GABRG3: variants seen among roughly 807,000 people sequenced by gnomAD.
The protein encoded by GABRG3 is gamma-aminobutyric acid type A receptor subunit gamma3, also known as gamma-aminobutyric acid receptor subunit gamma-3.
GABRG3 carries 25 observed loss-of-function variants against 48.8 expected under a neutral mutation model. The observed-to-expected ratio is 0.51, with a 90% CI of 0.37 to 0.72. The LOEUF (loss-of-function observed/expected upper bound fraction) is 0.72, where lower values mean the gene tolerates loss of function less well. Ranked by LOEUF, GABRG3 falls within the 30% of genes least tolerant of loss-of-function variation. The pLI is 0.00. For synonymous variants in GABRG3, 227 were observed against 217.6 expected (o/e 1.04, Z -0.38); for missense variants, 394 against 577.9 (o/e 0.68, Z 3.26).
intron 3 of GABRG3, among the ~76,000 whole-genome samples, chr15:27,198,103 A>G (rs1028540407): frequency 3.3e-5 from 5 of 152,150 alleles, no homozygotes; most frequent in African/African-American, 1.2e-4. Context: ...AGACTTCATG[A>G]CTAAAACACC....
At chr15:27,279,380 A>T (rs540767647) in intron 3 of GABRG3, among the ~76,000 whole-genome samples, 1 of 152,142 alleles carries the variant, frequency 6.6e-6, no homozygotes, top group South Asian at 2.1e-4. Context: ...TTCTTCTCAA[A>T]GTTTCATAGT....
intron 3 of GABRG3, among the ~76,000 whole-genome samples, chr15:27,059,410 G>A (rs1032101352): frequency 3.9e-5 from 6 of 152,128 alleles, no homozygotes; most frequent in Admixed American, 3.3e-4. Flanking sequence ...CTCCATCACC[G>A]TTCTGTTATT....
chr15:27,130,146 C>G (rs1172896212), intron 3 of GABRG3, among the ~76,000 whole-genome samples: 1 of 152,006 alleles, frequency 6.6e-6, no homozygotes, highest in Non-Finnish European at 1.5e-5. Context: ...TGACATGAAG[C>G]TTTTCCCCTT....
chr15:27,508,908 A>G (rs1443033843), intron 6 of GABRG3, among the ~76,000 whole-genome samples: 1 of 151,994 alleles, frequency 6.6e-6, no homozygotes, highest in African/African-American at 2.4e-5. Context: ...TTTAGTAGAG[A>G]TGGGGTTTCA....
chr15:27,407,949 T>C (rs368880996), intron 5 of GABRG3, among the ~76,000 whole-genome samples: 9 of 152,182 alleles, frequency 5.9e-5, no homozygotes, highest in African/African-American at 1.9e-4. Context: ...GTGAACCCTA[T>C]TGTGAACCAC....
intron 5 of GABRG3, among the ~76,000 whole-genome samples, chr15:27,403,268 A>G (rs1006040899): frequency 6.6e-6 from 1 of 152,176 alleles, no homozygotes; most frequent in Non-Finnish European, 1.5e-5. Context: ...GTACCTACCA[A>G]TCAGGCAATG....
At chr15:27,130,589 A>AT (rs1307773984) in intron 3 of GABRG3, among the ~76,000 whole-genome samples, 1 of 152,080 alleles carries the variant, frequency 6.6e-6, no homozygotes, top group Non-Finnish European at 1.5e-5. Context: ...TATCATTGGA[A>AT]TTTTAATAGA....
intron 3 of GABRG3, among the ~76,000 whole-genome samples, chr15:27,272,975 C>T (rs981390739): frequency 2.0e-5 from 3 of 152,176 alleles, no homozygotes. Context: ...CATCCCTGCA[C>T]TTGTGCAAAA....
chr15:27,366,174 G>C (rs144700473), intron 5 of GABRG3: 1 of 152,072 alleles, frequency 6.6e-6, no homozygotes, highest in East Asian at 1.9e-4. Context: ...ATGAGACACC[G>C]ATTGCTCTTC....
intron 3 of GABRG3, among the ~76,000 whole-genome samples, chr15:27,075,186 G>A (rs568734638): frequency 1.3e-5 from 2 of 152,280 alleles, no homozygotes; most frequent in South Asian, 2.1e-4. Flanking sequence ...TTAAGATGAG[G>A]TGAAAATTAT....
At chr15:27,141,663 TAACA>T (rs1898105480) in intron 3 of GABRG3, among the ~76,000 whole-genome samples, 1 of 152,212 alleles carries the variant, frequency 6.6e-6, no homozygotes, top group Non-Finnish European at 1.5e-5. Context: ...TAGTGGCAGT[TAACA>T]AACTTCTTAT....
intron 3 of GABRG3, among the ~76,000 whole-genome samples, chr15:27,257,033 T>A (rs1021300964): frequency 6.6e-6 from 1 of 152,188 alleles, no homozygotes; most frequent in African/African-American, 2.4e-5. Context: ...TACATTCCCA[T>A]CAACAATGCA....
intron 5 of GABRG3, among the ~76,000 whole-genome samples, chr15:27,379,009 T>C (rs1053838880): frequency 6.6e-6 from 1 of 152,178 alleles, no homozygotes; most frequent in Non-Finnish European, 1.5e-5. Flanking sequence ...TGTGTATGTA[T>C]GTGGATATGT....
intron 2 of GABRG3, among the ~76,000 whole-genome samples, chr15:27,018,181 A>G (rs1895813759): frequency 6.6e-6 from 1 of 152,226 alleles, no homozygotes; most frequent in Non-Finnish European, 1.5e-5. Flanking sequence ...AATTTAAGTG[A>G]CTTTCTCAAG....
rs563916086 is a variant in GABRG3, at chr15:27,463,918, G to A, written c.575-16732G>A. Reference sequence around the variant, plus strand: ...TCAGACAGGACCAGCAAACCCACGTGCCCCTCCCATAAGGCATCATTGTTC... The same window carrying A: ...TCAGACAGGACCAGCAAACCCACGTACCCCTCCCATAAGGCATCATTGTTC... On this transcript the variant is annotated intron_variant, in intron 5 of 9. Transcript: ENST00000615808. Among the ~76,000 whole-genome samples the A allele has an allele frequency of 4.6e-5, 7 of 152,176 alleles. No individual in the cohort carries two copies. In the East Asian group the frequency reaches 1.2e-3, roughly 25 times the overall value.
In GABRG3 at chr15:27,457,072, G is replaced by A. The variant is rs1195938112; in HGVS notation, c.575-23578G>A. Among the ~76,000 whole-genome samples the A allele has an allele frequency of 6.6e-6, 1 of 152,192 alleles. No homozygotes were observed. The highest frequency in any genetic ancestry group is 1.5e-5 in the Non-Finnish European group (1 of 68,052). On this transcript the variant is annotated intron_variant, in intron 5 of 9. Transcript: ENST00000615808. The surrounding 1 kb of genome is among the most constrained non-coding windows in gnomAD (Gnocchi z 4.4). Reference sequence around the variant, plus strand: ...GGAAGTAGAAGGAGCTGGAGGAGGGGAGCTGCAGGCCTCACCTTCTCCAGC... The same window carrying A: ...GGAAGTAGAAGGAGCTGGAGGAGGGAAGCTGCAGGCCTCACCTTCTCCAGC...
intron 5 of GABRG3, among the ~76,000 whole-genome samples, chr15:27,440,484 T>G (rs778487242): frequency 2.6e-5 from 4 of 152,228 alleles, no homozygotes; most frequent in Non-Finnish European, 4.4e-5. Flanking sequence ...GGCATTGGAA[T>G]GTACCTGATG....
At chr15:27,222,527 C>G (rs1234481971) in intron 3 of GABRG3, among the ~76,000 whole-genome samples, 1 of 152,186 alleles carries the variant, frequency 6.6e-6, no homozygotes, top group Non-Finnish European at 1.5e-5. Context: ...ATTCCAAGTA[C>G]TTTGATTCGG....
At chr15:27,085,160 C>T (rs1287975104) in intron 3 of GABRG3, among the ~76,000 whole-genome samples, 1 of 152,184 alleles carries the variant, frequency 6.6e-6, no homozygotes, top group Non-Finnish European at 1.5e-5. Flanking sequence ...CATTCTGACA[C>T]TTGTGTGAGA....
Sources: allele counts gnomAD v4.1 joint callset (sites outside exome capture counted in the v4.1 genomes callset), GRCh38; gene constraint gnomAD v4.1.1; non-coding constraint Gnocchi (gnomAD v3.1); transcripts MANE v1.5; gene names NCBI Gene and HGNC (gene_info 2026-07-23, HGNC 2026-07-21).